Variants in RIMS1 observed in about 807,000 individuals in gnomAD.
The protein encoded by RIMS1 is regulating synaptic membrane exocytosis protein 1.
Under a neutral mutation model 214.1 loss-of-function variants are expected in RIMS1, and 83 were observed. That is an observed-to-expected ratio of 0.39 (90% CI 0.32 to 0.47). The LOEUF is 0.47. Ranked by LOEUF, RIMS1 falls within the 20% of genes least tolerant of loss-of-function variation. RIMS1 has a pLI of 0.99. For missense variants in RIMS1, 2,050 were observed against 2,161.8 expected, an observed-to-expected ratio of 0.95 and a Z score of 1.03; for synonymous variants, 793 against 786.8, an observed-to-expected ratio of 1.01 and a Z score of -0.13.
chr6:72,213,105 A>T lies in RIMS1; in HGVS notation c.1679-20668A>T, dbSNP rs1001743375. On this transcript the variant is annotated intron_variant, in intron 6 of 33. Transcript: ENST00000521978. ...GGCTTAAATCTCTCAAGCTGGATTT[A>T]TTTCCAAGTTTGCTGTCATGTGTGC... 2.0e-6 allele frequency: 3 copies of T among 1,536,692 alleles called. No homozygotes were observed. The African/African-American group carries it at 4.1e-5, about 21-fold the overall frequency.
intron 24 of RIMS1, among the ~76,000 whole-genome samples, chr6:72,289,491 C>T (rs149879259): frequency 1.1e-4 from 16 of 152,166 alleles, no homozygotes; most frequent in African/African-American, 2.9e-4. Context: ...TGAATTATGA[C>T]GTGATAAAGC....
At chr6:71,910,908 A>T (rs892462124) in intron 1 of RIMS1, among the ~76,000 whole-genome samples, 1 of 152,170 alleles carries the variant, frequency 6.6e-6, no homozygotes, top group African/African-American at 2.4e-5. Flanking sequence ...GGAGGATGAG[A>T]TGATCAATCT....
At chr6:72,164,144 T>C (rs938512248) in intron 4 of RIMS1, among the ~76,000 whole-genome samples, 1 of 152,124 alleles carries the variant, frequency 6.6e-6, no homozygotes, top group Non-Finnish European at 1.5e-5. Context: ...CTCAGACTGC[T>C]GTGCTAGCAA....
At chr6:72,161,690 G>T (rs1588296121) in intron 4 of RIMS1, among the ~76,000 whole-genome samples, 1 of 140,480 alleles carries the variant, frequency 7.1e-6, no homozygotes. Context: ...CCATGTAGGT[G>T]AGCGGTTTTG....
chr6:72,248,143 A>G lies in RIMS1; in HGVS notation c.2241+16A>G, dbSNP rs2154129329. 6.5e-7 allele frequency: 1 copy of G among 1,538,146 alleles called. No homozygotes were observed. The highest frequency in any genetic ancestry group is 9.0e-7 in the Non-Finnish European group (1 of 1,113,564). ...GCAACTTTCTGTATGTATTTTTTGT[A>G]CATGTTGGAGGCTGTTAGTATTTGC... On this transcript the variant is annotated intron_variant, in intron 12 of 33. Coordinates refer to ENST00000521978, the MANE Select transcript of RIMS1 (RefSeq NM_014989.7).
At chr6:72,013,095 A>G (rs1056390007) in intron 2 of RIMS1, among the ~76,000 whole-genome samples, 1 of 152,190 alleles carries the variant, frequency 6.6e-6, no homozygotes, top group Admixed American at 6.5e-5. Flanking sequence ...AATGACTCTT[A>G]AAGTCCCTTC....
At chr6:71,989,847 A>C (rs1801060659) in intron 2 of RIMS1, among the ~76,000 whole-genome samples, 1 of 152,132 alleles carries the variant, frequency 6.6e-6, no homozygotes, top group African/African-American at 2.4e-5. Flanking sequence ...GTCCTGCATG[A>C]CCTGGCCTAA....
intron 28 of RIMS1, among the ~76,000 whole-genome samples, chr6:72,325,517 G>A (rs563771697): frequency 3.6e-4 from 55 of 151,254 alleles, no homozygotes; most frequent in African/African-American, 1.2e-3. Context: ...TAAGGTTAAC[G>A]TATGAAAAGG....
At chr6:72,247,352 A>G (rs897609652) in intron 11 of RIMS1, among the ~76,000 whole-genome samples, 1 of 152,060 alleles carries the variant, frequency 6.6e-6, no homozygotes, top group Non-Finnish European at 1.5e-5. Flanking sequence ...CAGCCTCAAC[A>G]TGGAGAAACC....
At chr6:71,974,091 G>T (rs998411657) in intron 2 of RIMS1, among the ~76,000 whole-genome samples, 1 of 152,218 alleles carries the variant, frequency 6.6e-6, no homozygotes, top group Non-Finnish European at 1.5e-5. Flanking sequence ...GGAGGCAGTT[G>T]TATGAGGTAG....
intron 6 of RIMS1, among the ~76,000 whole-genome samples, chr6:72,226,358 T>G (rs2060174438): frequency 6.6e-6 from 1 of 152,098 alleles, no homozygotes; most frequent in African/African-American, 2.4e-5. Context: ...AGAATTAATC[T>G]GATGACTGAT....
chr6:72,119,666 T>G (rs1342716913), intron 4 of RIMS1, among the ~76,000 whole-genome samples: 1 of 151,648 alleles, frequency 6.6e-6, no homozygotes, highest in African/African-American at 2.4e-5. Flanking sequence ...CTGATTTTTT[T>G]TTAATACTTT....
chr6:72,186,274 A>G (rs1039811543), intron 6 of RIMS1, among the ~76,000 whole-genome samples: 1 of 152,252 alleles, frequency 6.6e-6, no homozygotes, highest in African/African-American at 2.4e-5. Context: ...TTTGGGTAGT[A>G]ACTTTGAGGT....
intron 2 of RIMS1, among the ~76,000 whole-genome samples, chr6:72,073,484 A>C (rs986983242): frequency 1.3e-5 from 2 of 152,190 alleles, no homozygotes; most frequent in Admixed American, 1.3e-4. Flanking sequence ...AGTAAAGATA[A>C]AAATACTTCT....
chr6:72,304,365 G>T (rs1185390245), intron 26 of RIMS1, among the ~76,000 whole-genome samples: 1 of 151,602 alleles, frequency 6.6e-6, no homozygotes, highest in Admixed American at 6.6e-5. Flanking sequence ...TATTTGAGCT[G>T]TCTGAGTTAC....
intron 26 of RIMS1, 91 bp from the exon 27 acceptor site, chr6:72,307,167 A>T: frequency 1.3e-6 from 1 of 770,432 alleles, no homozygotes; most frequent in Non-Finnish European, 2.2e-6. Context: ...ATTTAATTGA[A>T]GTCATTTCAA....
chr6:72,159,188 A>C (rs1306149154), intron 4 of RIMS1, among the ~76,000 whole-genome samples: 1 of 140,916 alleles, frequency 7.1e-6, no homozygotes, highest in Non-Finnish European at 1.6e-5. Flanking sequence ...TGGCTGCATA[A>C]ATGTCTTCTT....
chr6:71,990,045 T>C (rs1422052269), intron 2 of RIMS1, among the ~76,000 whole-genome samples: 1 of 152,230 alleles, frequency 6.6e-6, no homozygotes, highest in Admixed American at 6.5e-5. Context: ...CTGATTTCTG[T>C]ATTAAAGTAG....
intron 4 of RIMS1, among the ~76,000 whole-genome samples, chr6:72,158,633 C>A (rs1439175451): frequency 2.3e-5 from 3 of 128,892 alleles, no homozygotes; most frequent in African/African-American, 7.8e-5. Flanking sequence ...TTGCTCAATT[C>A]CCACCTATGA....
Sources: allele counts gnomAD v4.1 joint callset (sites outside exome capture counted in the v4.1 genomes callset), GRCh38; gene constraint gnomAD v4.1.1; transcripts MANE v1.5; gene names NCBI Gene and HGNC (gene_info 2026-07-23, HGNC 2026-07-21).